Variants in MAPK10 observed in about 807,000 individuals in gnomAD.
MAPK10 encodes JNK3 alpha protein kinase.
A neutral mutation model predicts 59.3 loss-of-function variants in MAPK10; 25 were observed. The ratio of observed to expected loss-of-function variants is 0.42; its 90% confidence interval spans 0.31 to 0.59. MAPK10 has a LOEUF of 0.59. Among genes scored for constraint, MAPK10 ranks in the 20% least tolerant of loss-of-function variants. The probability of loss-of-function intolerance (pLI) is 0.15; values close to 1 mark genes in which losing one functional copy is unlikely to be tolerated. For synonymous variants in MAPK10, 190 were observed against 200.5 expected, an observed-to-expected ratio of 0.95 and a Z score of 0.44; for missense variants, 351 against 568.9, an observed-to-expected ratio of 0.62 and a Z score of 3.90.
chr4:86,586,356 C>T (rs923347713), intron 1 of MAPK10, among the ~76,000 whole-genome samples: 10 of 152,120 alleles, frequency 6.6e-5, no homozygotes, highest in East Asian at 1.9e-4. Flanking sequence ...TCATCAGCCC[C>T]GAGGGCCACC....
At chr4:86,279,435 T>G (rs1423527459) in intron 2 of MAPK10, among the ~76,000 whole-genome samples, 1 of 152,146 alleles carries the variant, frequency 6.6e-6, no homozygotes, top group Non-Finnish European at 1.5e-5. Context: ...GCAATTAAAT[T>G]AACTTTCAGT....
In MAPK10 at chr4:86,010,936, G is replaced by A. The variant is rs1223372716; in HGVS notation, c.*6292C>T. ...GGTGAAGAACATTACTAGAAGTTCA[G>A]TGATTAAGAAATAAAGCCACGTACC... On this transcript the variant is annotated 3_prime_UTR_variant, in exon 14 of 14. Transcript: ENST00000641462. 1 of 152,208 alleles carries A rather than the reference G, an allele frequency of 6.6e-6. No individual in the cohort carries two copies. Among genetic ancestry groups the A allele is most frequent in the Non-Finnish European group, 1.5e-5 (1 of 68,024 alleles). 9.4% of individuals were successfully genotyped at this position (152,208 alleles called of 1,614,324 possible). A position where few individuals can be genotyped will look rare whatever the true frequency, so the allele number is the denominator to read the frequency against.
chr4:86,184,100 C>T (rs1189824196), intron 3 of MAPK10, among the ~76,000 whole-genome samples: 3 of 152,118 alleles, frequency 2.0e-5, no homozygotes, highest in Non-Finnish European at 2.9e-5. Flanking sequence ...TGCCTGTTCA[C>T]TCTGATGGTA....
chr4:86,212,354 CA>C (rs1047574837), intron 2 of MAPK10, among the ~76,000 whole-genome samples: 9 of 148,202 alleles, frequency 6.1e-5, no homozygotes, highest in Non-Finnish European at 7.5e-5. Flanking sequence ...CTTGTCTGTA[CA>C]AAAAAAAAAT....
At chr4:86,477,592 G>A (rs980412539) in intron 1 of MAPK10, among the ~76,000 whole-genome samples, 15 of 148,914 alleles carry the variant, frequency 1.0e-4, no homozygotes, top group African/African-American at 3.2e-4. Context: ...CCCACAGCAC[G>A]CTTTAAAAGG....
chr4:86,110,746 T>C (rs1346450778), intron 4 of MAPK10, among the ~76,000 whole-genome samples: 1 of 152,194 alleles, frequency 6.6e-6, no homozygotes, highest in Non-Finnish European at 1.5e-5. Flanking sequence ...ATTTTTTAAA[T>C]AGTTTTTTCT....
intron 1 of MAPK10, among the ~76,000 whole-genome samples, chr4:86,490,197 A>C (rs950519907): frequency 6.6e-6 from 1 of 152,164 alleles, no homozygotes; most frequent in Non-Finnish European, 1.5e-5. Context: ...TCCTATTCCT[A>C]TGATTCCAAG....
intron 1 of MAPK10, among the ~76,000 whole-genome samples, chr4:86,460,751 TG>T (rs1160856498): frequency 2.0e-5 from 3 of 152,246 alleles, no homozygotes; most frequent in Non-Finnish European, 2.9e-5. Flanking sequence ...CTTAAGGACA[TG>T]TTCCTGCTGC....
chr4:86,520,285 A>C (rs947259744), intron 1 of MAPK10, among the ~76,000 whole-genome samples: 2 of 152,038 alleles, frequency 1.3e-5, no homozygotes, highest in African/African-American at 4.8e-5. Flanking sequence ...CATAATCCCA[A>C]ATTTTTTGGA....
intron 2 of MAPK10, among the ~76,000 whole-genome samples, chr4:86,291,215 GC>G (rs1445539432): frequency 1.3e-5 from 2 of 152,152 alleles, no homozygotes; most frequent in Middle Eastern, 3.2e-3. Context: ...TTGATCATTA[GC>G]ACCATATTCA....
chr4:86,206,006 A>G (rs1374047235), intron 2 of MAPK10, among the ~76,000 whole-genome samples: 1 of 152,034 alleles, frequency 6.6e-6, no homozygotes, highest in Non-Finnish European at 1.5e-5. Flanking sequence ...AAAAAAACAA[A>G]CTGTTCTCCA....
intron 1 of MAPK10, among the ~76,000 whole-genome samples, chr4:86,394,992 C>A (rs1163087878): frequency 6.6e-6 from 1 of 152,096 alleles, no homozygotes; most frequent in African/African-American, 2.4e-5. Flanking sequence ...ACGTTGCTCT[C>A]CAAAATAAAA....
chr4:86,358,310 C>G (rs1364696872), intron 1 of MAPK10: 2 of 985,292 alleles, frequency 2.0e-6, no homozygotes, highest in African/African-American at 3.5e-5. Context: ...CAGGGTCCGA[C>G]AACTAGCCGA....
intron 3 of MAPK10, among the ~76,000 whole-genome samples, chr4:86,172,284 T>C (rs2074432402): frequency 6.9e-6 from 1 of 144,614 alleles, no homozygotes; most frequent in Admixed American, 6.7e-5. Context: ...CGTATGTTTA[T>C]TGCGGCACTA....
At chr4:86,505,117 G>A (rs1755631625) in intron 1 of MAPK10, among the ~76,000 whole-genome samples, 1 of 152,046 alleles carries the variant, frequency 6.6e-6, no homozygotes. Context: ...ACCTTCACCT[G>A]TTTCTGGAAC....
intron 1 of MAPK10, among the ~76,000 whole-genome samples, chr4:86,373,769 T>C (rs1330374852): frequency 2.0e-5 from 3 of 152,106 alleles, no homozygotes; most frequent in Non-Finnish European, 2.9e-5. Flanking sequence ...ATGCTGGAGA[T>C]GATGTGGAGA....
chr4:86,506,401 C>T (rs944575845), intron 1 of MAPK10, among the ~76,000 whole-genome samples: 1 of 152,074 alleles, frequency 6.6e-6, no homozygotes, highest in African/African-American at 2.4e-5. Flanking sequence ...TGATGAACAT[C>T]CCCAAGTAGC....
intron 1 of MAPK10, among the ~76,000 whole-genome samples, chr4:86,549,613 C>T (rs2084100887): frequency 6.6e-6 from 1 of 152,190 alleles, no homozygotes; most frequent in Non-Finnish European, 1.5e-5. Context: ...TTACTGTACA[C>T]TACTGTAGAC....
chr4:86,368,913 C>G (rs1303298652), intron 1 of MAPK10, among the ~76,000 whole-genome samples: 1 of 152,032 alleles, frequency 6.6e-6, no homozygotes, highest in Non-Finnish European at 1.5e-5. Context: ...GTGTATGTGT[C>G]TTTTGAACAA....
Sources: gnomAD v4.1 joint callset for allele counts (sites outside exome capture counted in the v4.1 genomes callset) on GRCh38, gnomAD v4.1.1 for gene constraint, MANE v1.5 for transcripts, NCBI Gene and HGNC (gene_info 2026-07-23, HGNC 2026-07-21) for gene names.